Variants in FRMD6 observed in about 807,000 individuals in gnomAD.
FRMD6 encodes FERM domain containing 6.
FRMD6 carries 37 observed loss-of-function variants against 73.2 expected under a neutral mutation model. The observed-to-expected ratio is 0.51, with a 90% CI of 0.39 to 0.66. FRMD6 has a LOEUF of 0.66. Among genes scored for constraint, FRMD6 ranks in the 30% least tolerant of loss-of-function variants. The pLI is 0.00. For synonymous variants in FRMD6, 273 were observed against 282.2 expected, an observed-to-expected ratio of 0.97 and a Z score of 0.33; for missense variants, 714 against 780.5, an observed-to-expected ratio of 0.91 and a Z score of 1.02.
intron 1 of FRMD6, among the ~76,000 whole-genome samples, chr14:51,530,947 A>G (rs1019635522): frequency 2.6e-4 from 40 of 152,240 alleles, no homozygotes; most frequent in Admixed American, 2.6e-3. Flanking sequence ...TTATTGGCTC[A>G]TGATTCTGGA....
chr14:51,409,117 G>C, the FRMD6 span, among the ~76,000 whole-genome samples: 2 of 152,038 alleles, frequency 1.3e-5, no homozygotes, highest in African/African-American at 4.8e-5. Flanking sequence ...TTTATTTTTA[G>C]TCTACTCCTT....
chr14:51,642,243 A>G (rs564085623), intron 2 of FRMD6, among the ~76,000 whole-genome samples: 1 of 152,294 alleles, frequency 6.6e-6, no homozygotes, highest in East Asian at 1.9e-4. Flanking sequence ...TACTTTTTAG[A>G]AAAAGGAGGC....
chr14:51,607,046 T>C (rs1408055246), intron 2 of FRMD6, among the ~76,000 whole-genome samples: 2 of 152,102 alleles, frequency 1.3e-5, no homozygotes, highest in Non-Finnish European at 2.9e-5. Flanking sequence ...GATTGAATGA[T>C]GCCCACCCAC....
At chr14:51,555,230 C>G (rs183337443) in intron 1 of FRMD6, among the ~76,000 whole-genome samples, 127 of 152,252 alleles carry the variant, frequency 8.3e-4, no homozygotes, top group Middle Eastern at 3.4e-3. Context: ...AGCATTCAAC[C>G]TCCAAAGAAG....
chr14:51,638,745 T>G (rs1332792819), intron 2 of FRMD6, among the ~76,000 whole-genome samples: 4 of 152,212 alleles, frequency 2.6e-5, no homozygotes, highest in Non-Finnish European at 5.9e-5. Context: ...TCTTTTTTAG[T>G]CTGATCAATT....
chr14:51,497,456 A>T (rs1161937188), intron 1 of FRMD6, among the ~76,000 whole-genome samples: 1 of 152,092 alleles, frequency 6.6e-6, no homozygotes, highest in African/African-American at 2.4e-5. Context: ...CTATACCCAT[A>T]ATTCTTTCTG....
the FRMD6 span, among the ~76,000 whole-genome samples, chr14:51,476,317 T>A: frequency 6.6e-6 from 1 of 152,154 alleles, no homozygotes; most frequent in Admixed American, 6.5e-5. Context: ...TGTGCTGCTG[T>A]CTAAAACAGG....
At chr14:51,496,337 CAAT>C (rs1225135553) in intron 1 of FRMD6, among the ~76,000 whole-genome samples, 4 of 152,186 alleles carry the variant, frequency 2.6e-5, no homozygotes, top group South Asian at 2.1e-4. Flanking sequence ...CTGAAAACAA[CAAT>C]GATTTCTTGT....
At chr14:51,648,030 G>C (rs1594651079), upstream of FRMD6, among the ~76,000 whole-genome samples, 6 of 152,232 alleles carry the variant, frequency 3.9e-5, 1 homozygote, top group Admixed American at 3.9e-4. Flanking sequence ...TCTCCATGTT[G>C]GTCAGGCTGG....
chr14:51,622,219 T>C (rs953897989), intron 2 of FRMD6, among the ~76,000 whole-genome samples: 2 of 152,232 alleles, frequency 1.3e-5, no homozygotes, highest in Non-Finnish European at 2.9e-5. Context: ...TAAGAACATC[T>C]TGTAACTCAG....
intron 9 of FRMD6, among the ~76,000 whole-genome samples, chr14:51,713,179 G>A (rs574817696): frequency 3.9e-5 from 6 of 152,032 alleles, no homozygotes; most frequent in African/African-American, 1.4e-4. Flanking sequence ...AGTTCTGGCC[G>A]GGCACAGTGG....
chr14:51,697,770 AC>A (rs1304271496), intron 2 of FRMD6, among the ~76,000 whole-genome samples: 2 of 152,186 alleles, frequency 1.3e-5, no homozygotes, highest in Non-Finnish European at 2.9e-5. Context: ...AATTAAAAAA[AC>A]AAATGAATAA....
intron 2 of FRMD6, among the ~76,000 whole-genome samples, chr14:51,585,643 A>G (rs142365196): frequency 1.4e-3 from 218 of 152,028 alleles, no homozygotes; most frequent in African/African-American, 5.0e-3. Context: ...CCTATCTTGC[A>G]TGTTGTAAGG....
intron 13 of FRMD6, among the ~76,000 whole-genome samples, chr14:51,727,049 T>C (rs1897999915): frequency 6.6e-6 from 1 of 152,142 alleles, no homozygotes; most frequent in African/African-American, 2.4e-5. Context: ...TGCCCCCTGC[T>C]GTGTACAGCA....
the FRMD6 span, among the ~76,000 whole-genome samples, chr14:51,459,653 C>G: frequency 6.6e-6 from 1 of 151,770 alleles, no homozygotes; most frequent in Non-Finnish European, 1.5e-5. Flanking sequence ...TGGCGAAACC[C>G]CGTCTCCACT....
At chr14:51,699,439 T>A (rs953680719) in intron 3 of FRMD6, among the ~76,000 whole-genome samples, 2 of 152,064 alleles carry the variant, frequency 1.3e-5, no homozygotes, top group Non-Finnish European at 1.5e-5. Flanking sequence ...ATCCTTATTG[T>A]TCAACAAATA....
chr14:51,722,434 C>G (rs1897679898), intron 12 of FRMD6, among the ~76,000 whole-genome samples: 1 of 152,174 alleles, frequency 6.6e-6, no homozygotes, highest in South Asian at 2.1e-4. Context: ...GATAAGTTAA[C>G]CTATAGTTCA....
intron 2 of FRMD6, among the ~76,000 whole-genome samples, chr14:51,620,315 T>C (rs777086667): frequency 1.6e-4 from 24 of 152,202 alleles, no homozygotes; most frequent in Middle Eastern, 3.4e-3. Flanking sequence ...TTAGCACAAA[T>C]ACAGCTGCCA....
intron 2 of FRMD6, among the ~76,000 whole-genome samples, chr14:51,573,825 C>T (rs1251340473): frequency 2.0e-5 from 3 of 152,156 alleles, no homozygotes; most frequent in Admixed American, 6.5e-5. Context: ...AAAGAATCAC[C>T]GTGTATCAGT....
Sources: gnomAD v4.1 joint callset for allele counts (sites outside exome capture counted in the v4.1 genomes callset) on GRCh38, gnomAD v4.1.1 for gene constraint, MANE v1.5 for transcripts, NCBI Gene and HGNC (gene_info 2026-07-23, HGNC 2026-07-21) for gene names.